ABR: variants seen among roughly 807,000 people sequenced by gnomAD.
ABR encodes ABR activator of RhoGEF and GTPase, also known as active breakpoint cluster region-related protein.
ABR carries 35 observed loss-of-function variants against 107.2 expected under a neutral mutation model. That is an observed-to-expected ratio of 0.33 (90% CI 0.25 to 0.43). The LOEUF (loss-of-function observed/expected upper bound fraction) is 0.43, where lower values mean the gene tolerates loss of function less well. ABR is among the 20% of genes least tolerant of loss of function. The pLI is 1.00. For missense variants in ABR, 815 were observed against 1,115.2 expected, an observed-to-expected ratio of 0.73 and a Z score of 3.83; for synonymous variants, 498 against 462.0, an observed-to-expected ratio of 1.08 and a Z score of -1.00.
At chr17:1,174,191 CACA>C (rs1486064303) in intron 1 of ABR, among the ~76,000 whole-genome samples, 3 of 152,218 alleles carry the variant, frequency 2.0e-5, no homozygotes, top group Non-Finnish European at 2.9e-5. Flanking sequence ...AGCCAACAAT[CACA>C]ACCACAGAAA....
At chr17:1,066,133 C>G (rs944579681) in intron 10 of ABR, among the ~76,000 whole-genome samples, 2 of 152,170 alleles carry the variant, frequency 1.3e-5, no homozygotes, top group East Asian at 3.8e-4. Context: ...CCATCCTCAG[C>G]CTCCCAAAGT....
chr17:1,083,482 C>T, intron 5 of ABR, 38 bp downstream of exon 5: 1 of 1,506,098 alleles, frequency 6.6e-7, no homozygotes, highest in East Asian at 2.3e-5. Context: ...CCCCAAAGCT[C>T]CTTGTCCCTC....
At chr17:1,146,036 C>A (rs1158307457) in intron 1 of ABR, among the ~76,000 whole-genome samples, 1 of 152,206 alleles carries the variant, frequency 6.6e-6, no homozygotes, top group Non-Finnish European at 1.5e-5. Flanking sequence ...CTCCTTCTCC[C>A]CACTCCCAGC....
Position 1,024,692 on chromosome 17 carries a change from G to A in ABR, c.1792-11528C>T, listed in dbSNP as rs571612559. Among the ~76,000 whole-genome samples, 11 of 150,882 alleles carry A rather than the reference G, an allele frequency of 7.3e-5. No homozygotes were observed. In the East Asian group the frequency reaches 2.2e-3, roughly 30 times the overall value. Reference sequence around the variant, plus strand: ...ACCCAGCTACTTGGGAGGCTGAGGTGGGAGGATTGCTTGAGCCTGGGAGAT... The same window carrying A: ...ACCCAGCTACTTGGGAGGCTGAGGTAGGAGGATTGCTTGAGCCTGGGAGAT... On this transcript the variant is annotated intron_variant, in intron 16 of 22. Coordinates refer to ENST00000302538, the MANE Select transcript of ABR (RefSeq NM_021962.5).
intron 16 of ABR, among the ~76,000 whole-genome samples, chr17:1,038,318 G>A (rs1274492801): frequency 2.0e-5 from 3 of 152,226 alleles, no homozygotes; most frequent in African/African-American, 7.2e-5. Context: ...TGAGAGATTA[G>A]GGGCTTTGTA....
chr17:1,203,836 G>A (rs556162133), intron 1 of ABR, among the ~76,000 whole-genome samples: 2 of 152,310 alleles, frequency 1.3e-5, no homozygotes, highest in Non-Finnish European at 2.9e-5. Context: ...GGGGTGTGGC[G>A]TGAGTGTGTG....
intron 1 of ABR, among the ~76,000 whole-genome samples, chr17:1,211,152 G>A (rs961472040): frequency 2.0e-5 from 3 of 152,124 alleles, no homozygotes; most frequent in Non-Finnish European, 4.4e-5. Context: ...GGTGGCAGAC[G>A]CCCATAGTCC....
At chr17:1,216,217 T>C (rs2043006329) in intron 1 of ABR, among the ~76,000 whole-genome samples, 1 of 152,000 alleles carries the variant, frequency 6.6e-6, no homozygotes, top group Admixed American at 6.6e-5. Context: ...TAAATAGAAC[T>C]TACTATGTGC....
chr17:1,036,903 G>A (rs1012289838), intron 16 of ABR, among the ~76,000 whole-genome samples: 2 of 152,178 alleles, frequency 1.3e-5, no homozygotes, highest in African/African-American at 2.4e-5. Context: ...GCAATGTTCA[G>A]AGCCTGCATT....
chr17:1,166,950 C>T (rs913371547), intron 1 of ABR, among the ~76,000 whole-genome samples: 1 of 152,134 alleles, frequency 6.6e-6, no homozygotes, highest in African/African-American at 2.4e-5. Flanking sequence ...GCAGTGAGAG[C>T]TGAGATCGCG....
At chr17:1,116,382 CA>C (rs1217290570) in intron 2 of ABR, among the ~76,000 whole-genome samples, 1 of 152,196 alleles carries the variant, frequency 6.6e-6, no homozygotes, top group African/African-American at 2.4e-5. Context: ...GTGACCTGGG[CA>C]TGTCATCTAG....
At chr17:1,125,727 CCTCT>C (rs1192591722) in intron 1 of ABR, 3 of 307,260 alleles carry the variant, frequency 9.8e-6, no homozygotes, top group East Asian at 5.6e-5. Context: ...TTCCAACTCT[CCTCT>C]CTGAGTCACC....
intron 12 of ABR, among the ~76,000 whole-genome samples, chr17:1,057,649 A>ATGTGTGTG (rs757782354): frequency 7.3e-6 from 1 of 137,600 alleles, no homozygotes; most frequent in African/African-American, 2.7e-5. Flanking sequence ...GCCTCTGTGT[A>ATGTGTGTG]TGTGTGTATG....
intron 2 of ABR, among the ~76,000 whole-genome samples, chr17:1,112,138 A>G (rs1202036186): frequency 6.6e-6 from 1 of 152,152 alleles, no homozygotes; most frequent in African/African-American, 2.4e-5. Flanking sequence ...TTGGCTCCTG[A>G]TCTTGTCTGT....
At chr17:1,113,280 T>G (rs1280852125) in intron 2 of ABR, among the ~76,000 whole-genome samples, 1 of 125,582 alleles carries the variant, frequency 8.0e-6, no homozygotes, top group African/African-American at 3.4e-5. Flanking sequence ...CTATTGCGAT[T>G]TTTTTTTTTT....
At chr17:1,062,424 G>C (rs1405033422) in intron 10 of ABR, among the ~76,000 whole-genome samples, 1 of 144,064 alleles carries the variant, frequency 6.9e-6, no homozygotes, top group Non-Finnish European at 1.5e-5. Context: ...CGTGAACTGA[G>C]GGCTATGCAT....
At chr17:1,012,448 A>AG in intron 18 of ABR, 1 of 692,418 alleles carries the variant, frequency 1.4e-6, no homozygotes, top group South Asian at 1.5e-5. Flanking sequence ...TACGAGGAGC[A>AG]GACGATCTGG....
At chr17:1,091,874 A>G in intron 3 of ABR, 24 bp from the exon 4 acceptor site, 2 of 1,604,990 alleles carry the variant, frequency 1.2e-6, no homozygotes, top group Non-Finnish European at 8.5e-7. Flanking sequence ...AGGAAGAAAG[A>G]GCAGAGGTCG....
exon 1 of ABR, among the ~76,000 whole-genome samples, chr17:1,229,172 C>T (rs1193572921): frequency 1.3e-5 from 2 of 151,558 alleles, no homozygotes; most frequent in African/African-American, 2.4e-5. Context: ...CGTCGCCCCC[C>T]TCGTCCGTGC....
Sources: allele counts gnomAD v4.1 joint callset (sites outside exome capture counted in the v4.1 genomes callset), GRCh38; gene constraint gnomAD v4.1.1; transcripts MANE v1.5; gene names NCBI Gene and HGNC (gene_info 2026-07-23, HGNC 2026-07-21).